ADGRE1: variants seen among roughly 807,000 people sequenced by gnomAD.
The protein encoded by ADGRE1 is EGF-like module receptor 1.
Under a neutral mutation model 102.7 loss-of-function variants are expected in ADGRE1, and 82 were observed. The observed-to-expected ratio is 0.80, with a 90% CI of 0.67 to 0.96. The LOEUF (loss-of-function observed/expected upper bound fraction) is 0.96. Among genes scored for constraint, ADGRE1 ranks in the 40% least tolerant of loss-of-function variants. ADGRE1 has a pLI of 0.00. For synonymous variants in ADGRE1, 398 were observed against 399.6 expected (o/e 1.00, Z 0.05); for missense variants, 1,032 against 1,085.3 (o/e 0.95, Z 0.69).
At chr19:6,906,322 G>C in intron 8 of ADGRE1, 111 bp from the exon 9 acceptor site, 1 of 842,298 alleles carries the variant, frequency 1.2e-6, no homozygotes. Context: ...GTGTATTAGG[G>C]TAATAGATGG....
At chr19:6,917,610 G>T (rs1468321799) in intron 12 of ADGRE1, among the ~76,000 whole-genome samples, 2 of 151,882 alleles carry the variant, frequency 1.3e-5, no homozygotes, top group Non-Finnish European at 2.9e-5. Flanking sequence ...TGTGGTGGCG[G>T]GTGCCTGTAA....
rs1973961007 is a variant in ADGRE1, at chr19:6,906,465, C to A, written c.982C>A (p.Pro328Thr). ...VLFKCKEDVI[P>T]DNKQIQQCQE... ...CTTCAAATGTAAGGAAGATGTGATA[C>A]CCGATAATAAGCAGATCCAGCAATG... Residue 328 changes from proline (P) to threonine (T), a missense_variant, in exon 9 of 21, where the codon CCC becomes ACC. Physicochemically the swap from Pro to Thr is conservative, Grantham distance 38 (BLOSUM62 -1). Transcript: ENST00000312053. 6.2e-7 allele frequency: 1 copy of A among 1,613,486 alleles called. No individual in the cohort carries two copies. The highest frequency in any genetic ancestry group is 1.1e-5 in the South Asian group (1 of 91,014).
intron 5 of ADGRE1, chr19:6,898,563 C>A: frequency 1.1e-5 from 16 of 1,496,470 alleles, no homozygotes; most frequent in Non-Finnish European, 1.5e-5. Flanking sequence ...CTTATCTGCT[C>A]ACCCTCTTTC....
chr19:6,940,152 A>C lies in ADGRE1; in HGVS notation c.*123A>C, dbSNP rs1975613094. On this transcript the variant is annotated 3_prime_UTR_variant, in exon 21 of 21. Transcript: ENST00000312053. ...AAATGAGGATCCCACCAGCCCCAGA[A>C]CCCTCTGGGGAAGAATGTTGGGGGC... 3 of 1,166,442 alleles carry C rather than the reference A, an allele frequency of 2.6e-6. No homozygotes were observed. In the African/African-American group the frequency reaches 4.6e-5, roughly 18 times the overall value. 72.3% of individuals were successfully genotyped at this position (1,166,442 alleles called of 1,614,324 possible).
intron 20 of ADGRE1, among the ~76,000 whole-genome samples, chr19:6,937,937 A>C (rs1328440791): frequency 6.6e-6 from 1 of 151,792 alleles, no homozygotes; most frequent in African/African-American, 2.4e-5. Flanking sequence ...ACATATTAAA[A>C]ATAATACATA....
chr19:6,916,426 C>T lies in ADGRE1; in HGVS notation c.1420+58C>T, dbSNP rs945407198. ...GTGTATTCCATCAATAAGTATTTATCGATCCCTTTCTAGGTGCCAAGACCA... is the reference window on the plus strand; with the variant it reads ...GTGTATTCCATCAATAAGTATTTATTGATCCCTTTCTAGGTGCCAAGACCA... On this transcript the variant is annotated intron_variant, in intron 12 of 20. Transcript: ENST00000312053. The T allele has an allele frequency of 1.9e-5, 30 of 1,556,748 alleles. No individual in the cohort carries two copies. In the South Asian group the frequency reaches 2.1e-4, roughly 11 times the overall value.
chr19:6,903,281 T>G (rs1973835209), intron 6 of ADGRE1, among the ~76,000 whole-genome samples: 1 of 152,218 alleles, frequency 6.6e-6, no homozygotes, highest in Non-Finnish European at 1.5e-5. Flanking sequence ...CTGGTGGGCA[T>G]GTCTTATGGA....
chr19:6,898,406 C>A, intron 5 of ADGRE1: 1 of 1,601,860 alleles, frequency 6.2e-7, no homozygotes, highest in Non-Finnish European at 8.6e-7. Context: ...GATGGTTTCT[C>A]TTCTCCCACT....
chr19:6,896,783 C>T, intron 3 of ADGRE1: 2 of 528,894 alleles, frequency 3.8e-6, no homozygotes, highest in Non-Finnish European at 6.6e-6. Context: ...TTCCTTCCTT[C>T]CTTCCTTCCT....
In ADGRE1 at chr19:6,919,678, G is replaced by A. The variant is rs562622977; in HGVS notation, c.1551G>A (p.Gly517=). 10 of 1,613,370 alleles carry A rather than the reference G, an allele frequency of 6.2e-6. No homozygotes were observed. The South Asian group carries it at 1.1e-4, about 18-fold the overall frequency. ...IKLKMNSRVV[G]GIMTGEKKDG... ...TGAAGATGAATTCTCGAGTCGTTGGGGGCATAATGACTGGAGAGAAGAAAG... is the reference window on the plus strand; with the variant it reads ...TGAAGATGAATTCTCGAGTCGTTGGAGGCATAATGACTGGAGAGAAGAAAG... Residue 517 remains glycine, a synonymous_variant, in exon 13 of 21, where the codon GGG becomes GGA. Coordinates refer to ENST00000312053, the MANE Select transcript of ADGRE1 (RefSeq NM_001974.5).
intron 10 of ADGRE1, among the ~76,000 whole-genome samples, chr19:6,909,552 T>TTCC (rs889924528): frequency 2.0e-5 from 3 of 151,378 alleles, no homozygotes; most frequent in African/African-American, 7.3e-5. Flanking sequence ...ACAATGCCAT[T>TTCC]TCCTCCTCCT....
intron 17 of ADGRE1, among the ~76,000 whole-genome samples, chr19:6,931,447 C>T (rs1203228498): frequency 6.6e-6 from 1 of 152,154 alleles, no homozygotes; most frequent in Admixed American, 6.5e-5. Flanking sequence ...GCCACGCTCC[C>T]CATGACAACA....
intron 11 of ADGRE1, among the ~76,000 whole-genome samples, chr19:6,914,141 G>A (rs1974295741): frequency 6.6e-6 from 1 of 152,210 alleles, no homozygotes; most frequent in African/African-American, 2.4e-5. Context: ...TGCCCTGCTG[G>A]GCCCATGGTA....
intron 5 of ADGRE1, among the ~76,000 whole-genome samples, chr19:6,898,134 T>C (rs1287538578): frequency 6.6e-6 from 1 of 152,086 alleles, no homozygotes; most frequent in African/African-American, 2.4e-5. Context: ...ACTTCCACCA[T>C]AGTCACAAGT....
Position 6,902,080 on chromosome 19 carries a change from A to G in ADGRE1, c.661+59A>G, listed in dbSNP as rs180751858. On this transcript the variant is annotated intron_variant, in intron 6 of 20. Coordinates refer to ENST00000312053, the MANE Select transcript of ADGRE1 (RefSeq NM_001974.5). Reference sequence around the variant, plus strand: ...AAGTCTGTTTGAAAAGACAGCAGTGAGGGGATTAGGGTGGGTCTTGGTTGA... The same window carrying G: ...AAGTCTGTTTGAAAAGACAGCAGTGGGGGGATTAGGGTGGGTCTTGGTTGA... 4.3e-4 allele frequency: 695 copies of G among 1,597,794 alleles called. 1 individual carries two copies. The highest frequency in any genetic ancestry group is 5.6e-4 in the Non-Finnish European group (649 of 1,168,300).
At position 6,937,629 on chromosome 19, in the gene ADGRE1, T is replaced by G. The variant is rs1406456598; in HGVS notation, c.2636T>G (p.Met879Arg). 1 of 1,614,030 alleles carries G rather than the reference T, an allele frequency of 6.2e-7. No homozygotes were observed. Among genetic ancestry groups the G allele is most frequent in the Non-Finnish European group, 8.5e-7 (1 of 1,179,980 alleles). Residue 879 changes from methionine (M) to arginine (R), a missense_variant, in exon 20 of 21, where the codon ATG (methionine) becomes AGG (arginine). Met to Arg is a moderately conservative substitution (Grantham distance 91). Coordinates refer to ENST00000312053, the MANE Select transcript of ADGRE1 (RefSeq NM_001974.5). ...SQTSRILLSSMPSASKTG is the reference protein window; with the variant it reads ...SQTSRILLSSRPSASKTG The stretch of plus-strand genomic sequence containing the variant: ...ACCTCAAGGATCTTGCTGTCCTCCA[T>G]GCCATCCGCTTCCAAGACGGTGAGA...
chr19:6,934,404 ATTCTTC>A lies in ADGRE1; in HGVS notation c.2290-571_2290-566del, dbSNP rs1174459306. Among the ~76,000 whole-genome samples, 466 of 143,922 alleles carry A rather than the reference ATTCTTC, an allele frequency of 3.2e-3. 9 individuals are homozygous for A. The highest frequency in any genetic ancestry group is 7.4e-3 in the Middle Eastern group (2 of 270). The allele number at this position is 143,922 out of a possible 152,430, so 94.4% of individuals were successfully genotyped here. A position where few individuals can be genotyped will look rare whatever the true frequency, so the allele number is the denominator to read the frequency against. ...TGGTTGCTATAAATCGTGGGTCAGAATTCTTCTTCTTCTTCTTTTTTTTTTTTTTTT... is the reference window on the plus strand; with the variant it reads ...TGGTTGCTATAAATCGTGGGTCAGAATTCTTCTTCTTTTTTTTTTTTTTTT... On this transcript the variant is annotated intron_variant, in intron 17 of 20. Coordinates refer to ENST00000312053, the MANE Select transcript of ADGRE1 (RefSeq NM_001974.5).
At chr19:6,894,492 G>A (rs993650626) in intron 2 of ADGRE1, among the ~76,000 whole-genome samples, 1 of 152,166 alleles carries the variant, frequency 6.6e-6, no homozygotes, top group Non-Finnish European at 1.5e-5. Context: ...GTGGAAGCTG[G>A]CCAGGCAAAG....
intron 14 of ADGRE1, among the ~76,000 whole-genome samples, chr19:6,923,227 T>C (rs1599755063): frequency 2.6e-5 from 4 of 152,226 alleles, no homozygotes; most frequent in African/African-American, 9.6e-5. Flanking sequence ...TTTCAAGTCT[T>C]GTCTCTACCA....
Sources: allele counts gnomAD v4.1 joint callset (sites outside exome capture counted in the v4.1 genomes callset), GRCh38; gene constraint gnomAD v4.1.1; transcripts MANE v1.5; gene names NCBI Gene and HGNC (gene_info 2026-07-23, HGNC 2026-07-21).